The following MYRIP variants were observed in gnomAD, a reference collection of about 807,000 sequenced individuals.
The protein encoded by MYRIP is rab effector MyRIP.
A neutral mutation model predicts 98.0 loss-of-function variants in MYRIP; 49 were observed. That is an observed-to-expected ratio of 0.50 (90% confidence interval 0.40 to 0.63). MYRIP has a LOEUF of 0.63. MYRIP is among the 30% of genes least tolerant of loss of function. The pLI is 0.00. For synonymous variants in MYRIP, 404 were observed against 409.5 expected, an observed-to-expected ratio of 0.99 and a Z score of 0.16; for missense variants, 1,004 against 1,058.2, an observed-to-expected ratio of 0.95 and a Z score of 0.71.
At chr3:39,811,324 T>C (rs1940681304) in intron 1 of MYRIP, among the ~76,000 whole-genome samples, 1 of 152,166 alleles carries the variant, frequency 6.6e-6, no homozygotes, top group South Asian at 2.1e-4. Context: ...CCCAAGGAAC[T>C]TGGAGTTCAT....
intron 1 of MYRIP, among the ~76,000 whole-genome samples, chr3:39,857,685 C>T (rs1026739637): frequency 2.0e-5 from 3 of 152,198 alleles, no homozygotes; most frequent in South Asian, 2.1e-4. Flanking sequence ...ACCATAATTA[C>T]AATAATTTGT....
At chr3:39,888,683 T>A (rs893779670) in intron 1 of MYRIP, among the ~76,000 whole-genome samples, 12 of 152,058 alleles carry the variant, frequency 7.9e-5, no homozygotes, top group African/African-American at 4.8e-5. Context: ...ACAAATGGGA[T>A]CTAATTAAAC....
In MYRIP at chr3:40,091,973, A is replaced by T. The variant is rs1575531002; in HGVS notation, c.332+47702A>T. ...TTGAATTTGCATGGAAAGAGATGATATTGCAAAGAGACACATTAGAATACA... is the reference window on the plus strand; with the variant it reads ...TTGAATTTGCATGGAAAGAGATGATTTTGCAAAGAGACACATTAGAATACA... On this transcript the variant is annotated intron_variant, in intron 3 of 16. Transcript: ENST00000302541. Among the ~76,000 whole-genome samples the T allele has an allele frequency of 3.3e-5, 5 of 152,334 alleles. No homozygotes were observed. In the South Asian group the frequency reaches 1.0e-3, roughly 32 times the overall value.
intron 1 of MYRIP, among the ~76,000 whole-genome samples, chr3:39,860,747 G>T (rs577747234): frequency 6.6e-6 from 1 of 152,196 alleles, no homozygotes; most frequent in South Asian, 2.1e-4. Flanking sequence ...TGCATTGCTA[G>T]TATACACTTG....
chr3:39,845,069 CCT>C (rs1199913951), intron 1 of MYRIP, among the ~76,000 whole-genome samples: 1 of 152,144 alleles, frequency 6.6e-6, no homozygotes, highest in Admixed American at 6.5e-5. Context: ...AAGCATCAAG[CCT>C]CTTTTTTGAC....
intron 12 of MYRIP, among the ~76,000 whole-genome samples, chr3:40,238,230 C>T (rs1952876801): frequency 6.6e-6 from 1 of 152,228 alleles, no homozygotes; most frequent in Non-Finnish European, 1.5e-5. Flanking sequence ...CTTTTGAACT[C>T]ATGTGCTTTT....
chr3:40,115,046 AG>A (rs1173718644), intron 3 of MYRIP, among the ~76,000 whole-genome samples: 8 of 152,212 alleles, frequency 5.3e-5, no homozygotes, highest in Non-Finnish European at 1.2e-4. Flanking sequence ...GAGGGAAAAA[AG>A]AATGAAGTAT....
At chr3:39,921,627 T>A (rs770686660) in intron 2 of MYRIP, among the ~76,000 whole-genome samples, 2 of 152,292 alleles carry the variant, frequency 1.3e-5, no homozygotes, top group Non-Finnish European at 2.9e-5. Flanking sequence ...ACGCCTGTAA[T>A]CTCAGCACTT....
At chr3:40,189,380 C>A (rs1258407258) in intron 9 of MYRIP, among the ~76,000 whole-genome samples, 1 of 152,216 alleles carries the variant, frequency 6.6e-6, no homozygotes, top group Non-Finnish European at 1.5e-5. Context: ...CCTCTGAGGT[C>A]TGCCAGGGCA....
At chr3:40,155,125 A>G (rs1950198211) in intron 4 of MYRIP, among the ~76,000 whole-genome samples, 1 of 149,530 alleles carries the variant, frequency 6.7e-6, no homozygotes, top group South Asian at 2.2e-4. Flanking sequence ...ATATCTCCTA[A>G]CGCTATCCCT....
chr3:40,119,830 T>C (rs1022870467), intron 3 of MYRIP, among the ~76,000 whole-genome samples: 2 of 151,994 alleles, frequency 1.3e-5, no homozygotes, highest in African/African-American at 4.8e-5. Context: ...GACGAGTTAA[T>C]GGGTGCAGCA....
intron 1 of MYRIP, among the ~76,000 whole-genome samples, chr3:39,840,460 C>G (rs1941768037): frequency 6.6e-6 from 1 of 152,096 alleles, no homozygotes; most frequent in Admixed American, 6.6e-5. Flanking sequence ...GGGCATTTAG[C>G]CCGTTTACAT....
intron 2 of MYRIP, among the ~76,000 whole-genome samples, chr3:40,043,065 T>A (rs556652852): frequency 3.9e-5 from 6 of 152,176 alleles, no homozygotes; most frequent in Admixed American, 3.9e-4. Flanking sequence ...AATGAATCCA[T>A]GTAGTTTCTG....
At chr3:39,951,951 T>A (rs1200157756) in intron 2 of MYRIP, among the ~76,000 whole-genome samples, 4 of 152,206 alleles carry the variant, frequency 2.6e-5, no homozygotes, top group Admixed American at 2.6e-4. Flanking sequence ...CTGTACAATT[T>A]AATGATTTCT....
chr3:39,956,090 C>T (rs1317270133), intron 2 of MYRIP, among the ~76,000 whole-genome samples: 1 of 152,154 alleles, frequency 6.6e-6, no homozygotes, highest in African/African-American at 2.4e-5. Flanking sequence ...GAGACTTTAA[C>T]ACCCCACTGT....
At chr3:40,172,802 C>T (rs1950646022) in intron 8 of MYRIP, among the ~76,000 whole-genome samples, 1 of 152,206 alleles carries the variant, frequency 6.6e-6, no homozygotes, top group East Asian at 1.9e-4. Flanking sequence ...ATGGCATCAG[C>T]TTGCTTCTCT....
intron 2 of MYRIP, among the ~76,000 whole-genome samples, chr3:39,911,861 T>G (rs1944028042): frequency 6.6e-6 from 1 of 152,106 alleles, no homozygotes; most frequent in African/African-American, 2.4e-5. Context: ...AGGGCTGCCT[T>G]CCCCTCCTTA....
In MYRIP at chr3:40,189,806, T is replaced by C; in HGVS notation, c.1028-20T>C. On this transcript the variant is annotated intron_variant, in intron 9 of 16. Coordinates refer to ENST00000302541, the MANE Select transcript of MYRIP (RefSeq NM_015460.4). The stretch of plus-strand genomic sequence containing the variant: ...GTGATAACAGCCCCTCTCTGCTTTC[T>C]CTATCCTCTCCATCCACAGACCTGG... 2 of 1,587,670 alleles carry C rather than the reference T, an allele frequency of 1.3e-6. No individual in the cohort carries two copies. Among genetic ancestry groups the C allele is most frequent in the Non-Finnish European group, 1.7e-6 (2 of 1,168,638 alleles).
chr3:40,168,382 T>C (rs12629429), intron 7 of MYRIP, among the ~76,000 whole-genome samples: 3 of 152,064 alleles, frequency 2.0e-5, no homozygotes, highest in Non-Finnish European at 4.4e-5. Context: ...CTATCGTAAA[T>C]GTACTCAGAA....
Sources: gnomAD v4.1 joint callset for allele counts (sites outside exome capture counted in the v4.1 genomes callset) on GRCh38, gnomAD v4.1.1 for gene constraint, MANE v1.5 for transcripts, NCBI Gene and HGNC (gene_info 2026-07-23, HGNC 2026-07-21) for gene names.